GALNT14: variants seen among roughly 807,000 people sequenced by gnomAD.
The protein encoded by GALNT14 is polypeptide N-acetylgalactosaminyltransferase 14, also known as UDP-GalNAc:polypeptide N-acetylgalactosaminyltransferase 14.
GALNT14 carries 60 observed loss-of-function variants against 77.5 expected under a neutral mutation model. That is an observed-to-expected ratio of 0.77 (90% confidence interval 0.63 to 0.96). GALNT14 has a LOEUF of 0.96. Ranked by LOEUF, GALNT14 falls within the 40% of genes least tolerant of loss-of-function variation. The pLI is 0.00. For missense variants in GALNT14, 710 were observed against 731.0 expected, an observed-to-expected ratio of 0.97 and a Z score of 0.33; for synonymous variants, 280 against 281.7, an observed-to-expected ratio of 0.99 and a Z score of 0.06.
intron 4 of GALNT14, among the ~76,000 whole-genome samples, chr2:30,957,920 A>G (rs1276070647): frequency 6.6e-6 from 1 of 152,218 alleles, no homozygotes; most frequent in Non-Finnish European, 1.5e-5. Context: ...TTCAAATTTG[A>G]TGCACAGTGT....
intron 1 of GALNT14, among the ~76,000 whole-genome samples, chr2:31,053,817 G>A (rs1674047541): frequency 6.6e-6 from 1 of 152,160 alleles, no homozygotes; most frequent in Non-Finnish European, 1.5e-5. Context: ...ATATTTTACT[G>A]AGGACTAAAT....
intron 1 of GALNT14, among the ~76,000 whole-genome samples, chr2:30,996,988 A>T (rs1429791923): frequency 6.6e-6 from 1 of 152,152 alleles, no homozygotes; most frequent in African/African-American, 2.4e-5. Flanking sequence ...AAATAATATC[A>T]CTATTTCAAT....
In GALNT14 at chr2:30,966,322, G is replaced by C. The variant is rs867658931; in HGVS notation, c.300-20C>G. The C allele has an allele frequency of 1.3e-6, 2 of 1,561,486 alleles. No homozygotes were observed. The highest frequency in any genetic ancestry group is 3.3e-5 in the Admixed American group (2 of 59,882). On this transcript the variant is annotated intron_variant, in intron 2 of 14. Coordinates refer to ENST00000349752, the MANE Select transcript of GALNT14 (RefSeq NM_024572.4). ...GTGCATCTGGGGAAGGAAAGGCACAGGGCAAGTGAGACCTTCAGGGACAAA... is the reference window on the plus strand; with the variant it reads ...GTGCATCTGGGGAAGGAAAGGCACACGGCAAGTGAGACCTTCAGGGACAAA...
the GALNT14 span, among the ~76,000 whole-genome samples, chr2:30,893,077 C>CAA: frequency 6.6e-6 from 1 of 151,332 alleles, no homozygotes; most frequent in East Asian, 1.9e-4. Context: ...GTATAGCAAA[C>CAA]AAAAAAACAA....
At chr2:30,942,369 G>A (rs1049204328) in intron 8 of GALNT14, 65 bp from the exon 9 acceptor site, 38 of 1,252,738 alleles carry the variant, frequency 3.0e-5, no homozygotes, top group Admixed American at 1.2e-4. Context: ...CAAATTCTTC[G>A]GCCCCTTGAG....
intron 1 of GALNT14, among the ~76,000 whole-genome samples, chr2:31,086,394 G>A (rs981488851): frequency 1.2e-4 from 18 of 152,126 alleles, no homozygotes; most frequent in African/African-American, 4.1e-4. Flanking sequence ...ATAGCTTATA[G>A]CTCCCTGGGC....
Position 30,966,277 on chromosome 2 carries a change from C to G in GALNT14, c.325G>C (p.Asp109His). 1 of 1,613,894 alleles carries G rather than the reference C, an allele frequency of 6.2e-7. No homozygotes were observed. The highest frequency in any genetic ancestry group is 1.1e-5 in the South Asian group (1 of 91,058). ...ATGATGATGCTAGTGGGTGGAAGGT[C>G]CGTGCAATACACCAGCAGTGTGCAT... ...LRCTLLVYCT[D>H]LPPTSIIITF... Residue 109 changes from aspartate to histidine, a missense_variant, in exon 3 of 15, where the codon GAC becomes CAC. Coordinates refer to ENST00000349752, the MANE Select transcript of GALNT14 (RefSeq NM_024572.4).
intron 1 of GALNT14, among the ~76,000 whole-genome samples, chr2:31,062,234 C>A (rs1410527771): frequency 1.3e-5 from 2 of 152,144 alleles, no homozygotes; most frequent in Non-Finnish European, 1.5e-5. Context: ...TCCCGACAGA[C>A]CCCAGTGTGT....
chr2:30,990,826 G>A (rs1164828410), intron 2 of GALNT14, among the ~76,000 whole-genome samples: 1 of 152,208 alleles, frequency 6.6e-6, no homozygotes, highest in East Asian at 1.9e-4. Flanking sequence ...CCCTGAGGCA[G>A]ACATATGGCT....
intron 13 of GALNT14, among the ~76,000 whole-genome samples, chr2:30,917,445 G>C (rs1317003193): frequency 6.6e-6 from 1 of 152,184 alleles, no homozygotes; most frequent in Non-Finnish European, 1.5e-5. Context: ...GCAGGTGGCA[G>C]GCCTGTATCT....
intron 13 of GALNT14, among the ~76,000 whole-genome samples, chr2:30,915,366 CT>C (rs1348968306): frequency 6.6e-6 from 1 of 152,174 alleles, no homozygotes; most frequent in Non-Finnish European, 1.5e-5. Context: ...ACAGGCACAG[CT>C]AATGAAGCCC....
intron 2 of GALNT14, among the ~76,000 whole-genome samples, chr2:30,968,535 G>A (rs962015299): frequency 6.6e-6 from 1 of 152,212 alleles, no homozygotes; most frequent in Non-Finnish European, 1.5e-5. Context: ...ATGTCCAGGT[G>A]GAGAGGAACT....
In GALNT14 at chr2:31,023,144, T is replaced by TG. The variant is rs1671825145; in HGVS notation, c.130-30138dup. 2.1e-5 allele frequency among the ~76,000 whole-genome samples: 3 copies of TG among 145,244 alleles called. No homozygotes were observed. In the Admixed American group the frequency reaches 2.1e-4, roughly 10 times the overall value. ...ATGGACTGGTCCAATAAAGCTATAG[T>TG]GGGGAAAAACAAAAACAAAAACAAA... On this transcript the variant is annotated intron_variant, in intron 1 of 14. Coordinates refer to ENST00000349752, the MANE Select transcript of GALNT14 (RefSeq NM_024572.4).
intron 1 of GALNT14, among the ~76,000 whole-genome samples, chr2:31,006,878 T>TATAG (rs1490153639): frequency 6.6e-6 from 1 of 152,328 alleles, no homozygotes; most frequent in Non-Finnish European, 1.5e-5. Flanking sequence ...CCCTCTCTTC[T>TATAG]ACGCCTGCTA....
intron 9 of GALNT14, among the ~76,000 whole-genome samples, chr2:30,940,732 C>T (rs945082142): frequency 2.0e-5 from 3 of 152,194 alleles, no homozygotes; most frequent in Admixed American, 6.5e-5. Context: ...AAAGGTCCAC[C>T]TGCTCCAAGT....
chr2:30,952,186 A>T (rs1667068752), intron 6 of GALNT14, among the ~76,000 whole-genome samples: 1 of 152,238 alleles, frequency 6.6e-6, no homozygotes, highest in Non-Finnish European at 1.5e-5. Flanking sequence ...GTAACTATTT[A>T]AAAAAGACAC....
chr2:31,130,734 CTGTGTGTGTGTGTGTGTGTG>C lies in GALNT14; in HGVS notation c.129+7204_129+7223del, dbSNP rs4020220. Among the ~76,000 whole-genome samples, 13 of 117,538 alleles carry C rather than the reference CTGTGTGTGTGTGTGTGTGTG, an allele frequency of 1.1e-4. No homozygotes were observed. The South Asian group carries it at 2.6e-3, about 24-fold the overall frequency. The allele number at this position is 117,538 out of a possible 152,430, so 77.1% of individuals were successfully genotyped here. A position where few individuals can be genotyped will look rare whatever the true frequency, so the allele number is the denominator to read the frequency against. Reference sequence around the variant, plus strand: ...TCCTGCAGAATTCCCCAGGGTACCTCTGTGTGTGTGTGTGTGTGTGTGTGTGTGTGTGTGTGTGTGTGTGT... The same window carrying C: ...TCCTGCAGAATTCCCCAGGGTACCTCTGTGTGTGTGTGTGTGTGTGTGTGT... On this transcript the variant is annotated intron_variant, in intron 1 of 14. Transcript: ENST00000349752.
chr2:30,930,801 T>C (rs1288297858), intron 10 of GALNT14, among the ~76,000 whole-genome samples: 2 of 152,252 alleles, frequency 1.3e-5, no homozygotes, highest in Non-Finnish European at 2.9e-5. Flanking sequence ...AGTGCCTCCC[T>C]GGCCCCTTCC....
intron 9 of GALNT14, among the ~76,000 whole-genome samples, chr2:30,934,841 C>T (rs1191723752): frequency 6.6e-6 from 1 of 152,184 alleles, no homozygotes; most frequent in Non-Finnish European, 1.5e-5. Context: ...ATCCTACCAG[C>T]CCCAACTCTG....
Sources: allele counts gnomAD v4.1 joint callset (sites outside exome capture counted in the v4.1 genomes callset), GRCh38; gene constraint gnomAD v4.1.1; transcripts MANE v1.5; gene names NCBI Gene and HGNC (gene_info 2026-07-23, HGNC 2026-07-21).